The following CCDC7 variants were observed in gnomAD, a reference collection of about 807,000 sequenced individuals.
CCDC7 encodes the protein coiled-coil domain containing 7, also known as coiled-coil domain-containing protein 7.
A neutral mutation model predicts 196.9 loss-of-function variants in CCDC7; 183 were observed. The ratio of observed to expected loss-of-function variants is 0.93; its 90% CI spans 0.82 to 1.05. CCDC7 has a LOEUF of 1.05. Among genes scored for constraint, CCDC7 ranks in the 50% least tolerant of loss-of-function variants. CCDC7 has a pLI of 0.00. For synonymous variants in CCDC7, 525 were observed against 484.6 expected (o/e 1.08, Z -1.10); for missense variants, 1,540 against 1,482.2 (o/e 1.04, Z -0.64).
chr10:32,735,081 C>A (rs2084640527), intron 28 of CCDC7, among the ~76,000 whole-genome samples: 1 of 151,772 alleles, frequency 6.6e-6, no homozygotes. Flanking sequence ...TATATGATTT[C>A]AGTAATTTTT....
At chr10:32,449,167 G>GT (rs1228696695), upstream of CCDC7, among the ~76,000 whole-genome samples, 1 of 151,788 alleles carries the variant, frequency 6.6e-6, no homozygotes, top group Non-Finnish European at 1.5e-5. Flanking sequence ...ACTAAAACAT[G>GT]TTTTTTAGTT....
chr10:32,803,013 C>G (rs1157699935), intron 29 of CCDC7, among the ~76,000 whole-genome samples: 1 of 152,218 alleles, frequency 6.6e-6, no homozygotes, highest in East Asian at 1.9e-4. Context: ...AGGAACAATA[C>G]TTTGCATCCT....
chr10:32,686,208 G>C, intron 22 of CCDC7, 128 bp downstream of exon 23: 1 of 522,302 alleles, frequency 1.9e-6, no homozygotes, highest in Non-Finnish European at 3.4e-6. Context: ...AATACCATAA[G>C]ATAACTAGAG....
chr10:32,520,720 A>C (rs2047751780), intron 11 of CCDC7, among the ~76,000 whole-genome samples: 1 of 151,834 alleles, frequency 6.6e-6, no homozygotes, highest in Non-Finnish European at 1.5e-5. Flanking sequence ...AAGCTTTTTA[A>C]CTTGGTGTTA....
At chr10:32,617,837 G>A (rs1377114659) in intron 18 of CCDC7, among the ~76,000 whole-genome samples, 1 of 151,910 alleles carries the variant, frequency 6.6e-6, no homozygotes, top group African/African-American at 2.4e-5. Context: ...TAAGTTCAGT[G>A]TTTCTTTGTT....
At chr10:32,602,416 G>A (rs982544701) in intron 18 of CCDC7, among the ~76,000 whole-genome samples, 11 of 152,114 alleles carry the variant, frequency 7.2e-5, no homozygotes, top group African/African-American at 1.7e-4. Flanking sequence ...AATAAATTCC[G>A]GACACAGACT....
rs33944221 is a variant in CCDC7 at position 32,738,473 on chromosome 10, CTTTTT to C, written c.2905+9033_2905+9037del. ...AAAGAATATAAAATGGTTTCTTTCACTTTTTTTTTTTTTTTTTTTTTGACAGGGCC... is the reference window on the plus strand; with the variant it reads ...AAAGAATATAAAATGGTTTCTTTCACTTTTTTTTTTTTTTTTGACAGGGCC... On this transcript the variant is annotated intron_variant, in intron 28 of 41. Coordinates refer to ENST00000639629, the Ensembl canonical transcript of CCDC7. Among the ~76,000 whole-genome samples, 668 of 109,658 alleles carry C rather than the reference CTTTTT, an allele frequency of 6.1e-3. 4 individuals are homozygous for C. The highest frequency in any genetic ancestry group is 0.022 in the African/African-American group (612 of 28,394). 71.9% of individuals were successfully genotyped at this position (109,658 alleles called of 152,430 possible).
intron 16 of CCDC7, among the ~76,000 whole-genome samples, chr10:32,580,684 T>C (rs2058655709): frequency 6.6e-6 from 1 of 152,092 alleles, no homozygotes; most frequent in South Asian, 2.1e-4. Context: ...TTATTAGTAT[T>C]TTATTGATAA....
chr10:32,444,005 A>T (rs1278607845), upstream of CCDC7, among the ~76,000 whole-genome samples: 1 of 152,132 alleles, frequency 6.6e-6, no homozygotes, highest in African/African-American at 2.4e-5. Flanking sequence ...TATAGTTTTC[A>T]TTGTAGATGT....
chr10:32,829,506 T>G (rs1348641061), intron 32 of CCDC7, among the ~76,000 whole-genome samples: 1 of 152,220 alleles, frequency 6.6e-6, no homozygotes, highest in Non-Finnish European at 1.5e-5. Flanking sequence ...TGATGTAAGA[T>G]TTATTGACTT....
intron 28 of CCDC7, among the ~76,000 whole-genome samples, chr10:32,751,378 G>T (rs1404090186): frequency 6.6e-6 from 1 of 151,958 alleles, no homozygotes; most frequent in East Asian, 1.9e-4. Context: ...TTATTTAATG[G>T]CATGGGATCC....
rs192435384 is a variant in CCDC7, at chr10:32,862,251, T to C, written c.4111+7762T>C. ...CTATGCAGCCATAAAAAAGAATGAG[T>C]TCACGTCCTTTGCAGGGACATGGAT... is the stretch of plus-strand genomic sequence containing the variant. On this transcript the variant is annotated intron_variant, in intron 41 of 41. Coordinates refer to ENST00000639629, the Ensembl canonical transcript of CCDC7. Among the ~76,000 whole-genome samples, 360 of 152,050 alleles carry C rather than the reference T, an allele frequency of 2.4e-3. 3 individuals are homozygous for C. Among genetic ancestry groups the C allele is most frequent in the African/African-American group, 8.2e-3 (342 of 41,492 alleles).
chr10:32,639,518 C>T lies in CCDC7; in HGVS notation c.2014+4360C>T, dbSNP rs1217093646. Among the ~76,000 whole-genome samples, 5 of 152,012 alleles carry T rather than the reference C, an allele frequency of 3.3e-5. No homozygotes were observed. The East Asian group carries it at 5.8e-4, about 18-fold the overall frequency. ...TATGTACCCAGTAGTCATTCAGGAG[C>T]AGGTTGTTCAGTTTCCATGTAGTTG... On this transcript the variant is annotated intron_variant, in intron 20 of 41. Coordinates refer to ENST00000639629, the Ensembl canonical transcript of CCDC7.
intron 18 of CCDC7, among the ~76,000 whole-genome samples, chr10:32,616,516 G>T (rs769670230): frequency 9.3e-5 from 14 of 150,592 alleles, no homozygotes; most frequent in Non-Finnish European, 1.2e-4. Context: ...TTTGCATCCT[G>T]AAACTTTTCC....
intron 21 of CCDC7, among the ~76,000 whole-genome samples, 192 bp downstream of exon 22, chr10:32,664,353 AT>A (rs1364167628): frequency 6.6e-6 from 1 of 151,978 alleles, no homozygotes; most frequent in Non-Finnish European, 1.5e-5. Context: ...TTACCTTGTT[AT>A]TTTTTTATAT....
intron 17 of CCDC7, among the ~76,000 whole-genome samples, 181 bp from the exon 19 acceptor site, chr10:32,584,039 GTCCATTAATTGT>G (rs1375677672): frequency 6.6e-6 from 1 of 152,006 alleles, no homozygotes; most frequent in African/African-American, 2.4e-5. Flanking sequence ...TGCCTCTCAG[GTCCATTAATTGT>G]TCTGACTTTT....
At position 32,761,112 on chromosome 10, in the gene CCDC7, T is replaced by C. The variant is rs183964426; in HGVS notation, c.2906-17865T>C. On this transcript the variant is annotated intron_variant, in intron 28 of 41. Transcript: ENST00000639629. ...CCCAATCATTGTGAGTTTCAGGCTATAATAAATTCACTAGACAAAACAGAC... is the reference window on the plus strand; with the variant it reads ...CCCAATCATTGTGAGTTTCAGGCTACAATAAATTCACTAGACAAAACAGAC... Among the ~76,000 whole-genome samples, 9 of 152,170 alleles carry C rather than the reference T, an allele frequency of 5.9e-5. No homozygotes were observed. The East Asian group carries it at 1.7e-3, about 29-fold the overall frequency.
At chr10:32,738,772 A>G (rs2085321436) in intron 28 of CCDC7, among the ~76,000 whole-genome samples, 1 of 151,916 alleles carries the variant, frequency 6.6e-6, no homozygotes, top group African/African-American at 2.4e-5. Context: ...CCATTCCTGG[A>G]GTTTTTTACT....
intron 31 of CCDC7, among the ~76,000 whole-genome samples, chr10:32,815,155 T>C (rs7087288): frequency 0.14 from 21,009 of 152,082 alleles, 1,754 homozygotes; most frequent in East Asian, 0.25. Context: ...TAATACATTA[T>C]CTAAATTGTC....
Sources: gnomAD v4.1 joint callset for allele counts (sites outside exome capture counted in the v4.1 genomes callset) on GRCh38, gnomAD v4.1.1 for gene constraint, MANE v1.5 for transcripts, NCBI Gene and HGNC (gene_info 2026-07-23, HGNC 2026-07-21) for gene names.